The following CAVIN2 variants were observed in gnomAD, a reference collection of about 807,000 sequenced individuals.
CAVIN2 encodes caveolae-associated protein 2.
In CAVIN2, 13 loss-of-function variants were observed where a neutral mutation model predicts 11.7. The ratio of observed to expected loss-of-function variants is 1.11; its 90% CI spans 0.72 to 1.77. CAVIN2 has a LOEUF of 1.77. CAVIN2 is among the 40% of genes most tolerant of loss of function. The pLI, the probability that CAVIN2 is intolerant of heterozygous loss-of-function variation, is 0.00. For missense variants in CAVIN2, 549 were observed against 542.9 expected (o/e 1.01, Z -0.11); for synonymous variants, 237 against 223.2 (o/e 1.06, Z -0.55).
chr2:191,836,122 G>T lies in CAVIN2; in HGVS notation c.1079C>A (p.Thr360Asn), dbSNP rs1690013982. The T allele has an allele frequency of 6.2e-7, 1 of 1,614,074 alleles. No individual in the cohort carries two copies. The highest frequency in any genetic ancestry group is 8.5e-7 in the Non-Finnish European group (1 of 1,180,040). Residue 360 changes from threonine to asparagine, a missense_variant, in exon 2 of 2, where the codon ACC (threonine) becomes AAC (asparagine). Thr to Asn is a moderately conservative substitution (Grantham distance 65). Coordinates refer to ENST00000304141, the MANE Select transcript of CAVIN2 (RefSeq NM_004657.6). ...EIAEEAAEKA[T>N]SRGSNSGMDS... ...CATCCCCGAGTTACTCCCCCTGGAGGTCGCCTTCTCAGCAGCCTCCTCTGC... is the reference window on the plus strand; with the variant it reads ...CATCCCCGAGTTACTCCCCCTGGAGTTCGCCTTCTCAGCAGCCTCCTCTGC...
At chr2:191,846,351 A>G in intron 1 of CAVIN2, 92 bp downstream of exon 1, 3 of 1,411,736 alleles carry the variant, frequency 2.1e-6, no homozygotes, top group Middle Eastern at 3.7e-4. Flanking sequence ...AGGCAGGACA[A>G]ATGTAAAAAT....
intron 1 of CAVIN2, among the ~76,000 whole-genome samples, chr2:191,839,232 C>T (rs1690060933): frequency 6.6e-6 from 1 of 152,058 alleles, no homozygotes; most frequent in Non-Finnish European, 1.5e-5. Context: ...TCCTTGGCTA[C>T]CAGAGAAGAG....
chr2:191,838,453 G>C (rs925613609), intron 1 of CAVIN2, among the ~76,000 whole-genome samples: 3 of 152,090 alleles, frequency 2.0e-5, no homozygotes, highest in Admixed American at 2.0e-4. Flanking sequence ...TTGTGTCGAC[G>C]CAAAAAGCAG....
At chr2:191,840,589 G>C (rs1352090074) in intron 1 of CAVIN2, among the ~76,000 whole-genome samples, 1 of 152,184 alleles carries the variant, frequency 6.6e-6, no homozygotes, top group Non-Finnish European at 1.5e-5. Context: ...ACTTTAACTT[G>C]TTTGCTGTTC....
chr2:191,842,474 A>C (rs73981763), intron 1 of CAVIN2, among the ~76,000 whole-genome samples: 8,359 of 152,280 alleles, frequency 0.055, 808 homozygotes, highest in African/African-American at 0.19. Flanking sequence ...AGTGTAGAGT[A>C]ACTGATTTTC....
chr2:191,845,296 T>C (rs1053011570), intron 1 of CAVIN2, among the ~76,000 whole-genome samples: 56 of 152,220 alleles, frequency 3.7e-4, no homozygotes, highest in African/African-American at 1.3e-3. Flanking sequence ...GGAAGGCTTC[T>C]AACTTGGCAG....
intron 1 of CAVIN2, among the ~76,000 whole-genome samples, chr2:191,843,318 C>T (rs1446955585): frequency 6.6e-6 from 1 of 152,202 alleles, no homozygotes; most frequent in Non-Finnish European, 1.5e-5. Flanking sequence ...CAAATATGCT[C>T]AGGTCATGGG....
chr2:191,843,666 C>T lies in CAVIN2; in HGVS notation c.483+2777G>A, dbSNP rs1310067391. 2.6e-5 allele frequency among the ~76,000 whole-genome samples: 4 copies of T among 152,064 alleles called. No individual in the cohort carries two copies. In the South Asian group the frequency reaches 6.2e-4, roughly 24 times the overall value. On this transcript the variant is annotated intron_variant, in intron 1 of 1. Coordinates refer to ENST00000304141, the MANE Select transcript of CAVIN2 (RefSeq NM_004657.6). Reference sequence around the variant, plus strand: ...ACAATACATGGTTCTCTGTGTGTAGCGGAGCTGTTTTAAGATCCTGGGCAA... The same window carrying T: ...ACAATACATGGTTCTCTGTGTGTAGTGGAGCTGTTTTAAGATCCTGGGCAA...
chr2:191,846,436 A>C lies in CAVIN2; in HGVS notation c.483+7T>G, dbSNP rs4471838. ...CCCGCCTGTAAGGAGGCATAGGGGG[A>C]ACTGACCTGGAAGATGAGCACTTTG... On this transcript the variant is annotated splice_region_variant and intron_variant, in intron 1 of 1. Coordinates refer to ENST00000304141, the MANE Select transcript of CAVIN2 (RefSeq NM_004657.6). 0.98 allele frequency: 1,579,066 copies of C among 1,606,684 alleles called. 779,466 individuals carry two copies. The highest frequency in any genetic ancestry group is 1 in the East Asian group (44,763 of 44,770).
At chr2:191,841,418 T>A (rs1690091582) in intron 1 of CAVIN2, among the ~76,000 whole-genome samples, 1 of 152,222 alleles carries the variant, frequency 6.6e-6, no homozygotes, top group African/African-American at 2.4e-5. Context: ...TGCAATTCAA[T>A]TCTATAATCT....
chr2:191,841,597 A>G (rs1690093656), intron 1 of CAVIN2, among the ~76,000 whole-genome samples: 1 of 152,198 alleles, frequency 6.6e-6, no homozygotes, highest in African/African-American at 2.4e-5. Flanking sequence ...AACAAATTAC[A>G]GAGTTGATTC....
Position 191,846,615 on chromosome 2 carries a change from T to TA in CAVIN2, c.310_311insT (p.Gln104LeufsTer31). ...GCTCACCGTGTTGCTGGTGGAGGCCTGGTACTTGGAGAGCTTGGTGAGGTC... is the reference window on the plus strand; with the variant it reads ...GCTCACCGTGTTGCTGGTGGAGGCCTAGGTACTTGGAGAGCTTGGTGAGGTC... On this transcript the variant is annotated frameshift_variant, in exon 1 of 2. Transcript: ENST00000304141. LOFTEE classifies it high-confidence loss of function. 6.2e-7 allele frequency: 1 copy of TA among 1,614,252 alleles called. No individual in the cohort carries two copies. The highest frequency in any genetic ancestry group is 8.5e-7 in the Non-Finnish European group (1 of 1,180,046).
In CAVIN2 at chr2:191,836,626, G is replaced by A. The variant is rs200501578; in HGVS notation, c.575C>T (p.Ser192Phe). 4.2e-5 allele frequency: 68 copies of A among 1,614,092 alleles called. No individual in the cohort carries two copies. The East Asian group carries it at 8.0e-4, about 19-fold the overall frequency. ...CACGGTGTGCAGGGTTTCCTCCAGGGATTTGTTTTCATCCGGAAGCTCCTC... is the reference window on the plus strand; with the variant it reads ...CACGGTGTGCAGGGTTTCCTCCAGGAATTTGTTTTCATCCGGAAGCTCCTC... ...GKEELPDENK[S>F]LEETLHTVDL... The change falls in exon 2 of 2, where the codon TCC becomes TTC. Residue 192 changes from serine (S) to phenylalanine (F), a missense_variant. Coordinates refer to ENST00000304141, the MANE Select transcript of CAVIN2 (RefSeq NM_004657.6).
chr2:191,835,970 C>A lies in CAVIN2; in HGVS notation c.1231G>T (p.Gly411Trp), dbSNP rs762145515. The A allele has an allele frequency of 6.2e-7, 1 of 1,614,070 alleles. No homozygotes were observed. Among genetic ancestry groups the A allele is most frequent in the South Asian group, 1.1e-5 (1 of 91,090 alleles). Residue 411 changes from glycine (G) to tryptophan (W), a missense_variant, in exon 2 of 2, where the codon GGG becomes TGG. Physicochemically the swap from Gly to Trp is radical, Grantham distance 184. Transcript: ENST00000304141. ...AGCACGGCGGGCTGCACGGGGTCCC[C>A]ATCGGAGCGCTCCGCCTCCTCGGAT... is the stretch of plus-strand genomic sequence containing the variant. ...LTSEEAERSD[G>W]DPVQPAVLQV...
At chr2:191,838,344 G>A (rs1225323963) in intron 1 of CAVIN2, among the ~76,000 whole-genome samples, 1 of 152,144 alleles carries the variant, frequency 6.6e-6, no homozygotes, top group Non-Finnish European at 1.5e-5. Context: ...CTGAATGGTA[G>A]AATTATGATA....
chr2:191,842,076 A>G (rs1690102110), intron 1 of CAVIN2, among the ~76,000 whole-genome samples: 1 of 152,204 alleles, frequency 6.6e-6, no homozygotes, highest in African/African-American at 2.4e-5. Context: ...CAGTCTTCAA[A>G]GCAGTGACTT....
intron 1 of CAVIN2, 125 bp from the exon 2 acceptor site, chr2:191,836,842 G>T (rs1042959804): frequency 1.1e-6 from 1 of 914,566 alleles, no homozygotes; most frequent in Non-Finnish European, 1.6e-6. Context: ...TTTGTGGCTT[G>T]AGTTTTCTAG....
In CAVIN2 at chr2:191,846,568, T is replaced by C; in HGVS notation, c.358A>G (p.Lys120Glu). The C allele has an allele frequency of 6.2e-7, 1 of 1,614,250 alleles. No homozygotes were observed. The highest frequency in any genetic ancestry group is 8.5e-7 in the Non-Finnish European group (1 of 1,180,050). The change falls in exon 1 of 2, where the codon AAG (lysine) becomes GAG (glutamate). Residue 120 changes from lysine to glutamate, a missense_variant. Coordinates refer to ENST00000304141, the MANE Select transcript of CAVIN2 (RefSeq NM_004657.6). ...TVSKLLEKSRKVSAHTRAVKE... is the reference protein window; with the variant it reads ...TVSKLLEKSREVSAHTRAVKE... ...ACCGCGCGCGTGTGGGCGCTGACCT[T>C]GCGGGACTTCTCCAGCAGCTTGCTC...
At chr2:191,840,256 GCTTCCCTGCCCTAGTTA>G (rs2105736310) in intron 1 of CAVIN2, among the ~76,000 whole-genome samples, 1 of 152,332 alleles carries the variant, frequency 6.6e-6, no homozygotes, top group Admixed American at 6.5e-5. Flanking sequence ...TTCTGTCACT[GCTTCCCTGCCCTAGTTA>G]CTTCTAGGTC....
Sources: allele counts gnomAD v4.1 joint callset (sites outside exome capture counted in the v4.1 genomes callset), GRCh38; gene constraint gnomAD v4.1.1; transcripts MANE v1.5; gene names NCBI Gene and HGNC (gene_info 2026-07-23, HGNC 2026-07-21).